The following AMBRA1 variants were observed in gnomAD, a reference collection of about 807,000 sequenced individuals.
AMBRA1 encodes the protein activating molecule in BECN1-regulated autophagy protein 1.
Under a neutral mutation model 125.4 loss-of-function variants are expected in AMBRA1, and 47 were observed. The ratio of observed to expected loss-of-function variants is 0.37; its 90% CI spans 0.30 to 0.48. The LOEUF (loss-of-function observed/expected upper bound fraction) is 0.48, where lower values mean the gene tolerates loss of function less well. AMBRA1 is among the 20% of genes least tolerant of loss of function. The pLI, the probability that AMBRA1 is intolerant of heterozygous loss-of-function variation, is 0.99. For synonymous variants in AMBRA1, 626 were observed against 655.5 expected (o/e 0.95, Z 0.69); for missense variants, 1,331 against 1,693.4 (o/e 0.79, Z 3.76).
intron 14 of AMBRA1, chr11:46,428,673 G>A (rs986217462): frequency 8.1e-6 from 13 of 1,599,052 alleles, no homozygotes; most frequent in African/African-American, 2.7e-5. Context: ...GGCTGACCAC[G>A]TCCACGACCA....
intron 1 of AMBRA1, among the ~76,000 whole-genome samples, chr11:46,551,660 C>G (rs994839014): frequency 3.9e-5 from 6 of 152,176 alleles, no homozygotes; most frequent in Admixed American, 3.9e-4. Context: ...CACCTGAGGT[C>G]AGGAGTTTGA....
chr11:46,561,110 G>GT (rs1201842452), intron 1 of AMBRA1, among the ~76,000 whole-genome samples: 3 of 152,162 alleles, frequency 2.0e-5, no homozygotes, highest in Non-Finnish European at 4.4e-5. Context: ...GCCAGGCGCA[G>GT]TAGCTCACAC....
chr11:46,446,281 CTG>C (rs1948280056), intron 11 of AMBRA1, among the ~76,000 whole-genome samples: 2 of 152,182 alleles, frequency 1.3e-5, no homozygotes, highest in African/African-American at 2.4e-5. Context: ...TCTTCAAGAA[CTG>C]TAGGCCAACT....
Position 46,434,873 on chromosome 11 carries a change from C to T in AMBRA1, c.2797G>A (p.Glu933Lys), listed in dbSNP as rs1947645588. ...VYSLAPHNLG[E>K]MLYTKRFGPN... ...CCAAATCGCTTGGTGTAGAGCATTTCGCCCAGGTTATGGGGGGCCAGGGAG... is the reference window on the plus strand; with the variant it reads ...CCAAATCGCTTGGTGTAGAGCATTTTGCCCAGGTTATGGGGGGCCAGGGAG... Residue 933 changes from glutamate to lysine, a missense_variant, in exon 13 of 18, where the codon GAA (glutamate) becomes AAA (lysine). Glu to Lys is a moderately conservative substitution (Grantham distance 56). Around this residue, in one of 4 missense-constraint regions of AMBRA1, gnomAD observed 354 missense variants for 532.7 expected, o/e 0.66. Coordinates refer to ENST00000683756, the MANE Select transcript of AMBRA1 (RefSeq NM_001387011.1). The T allele has an allele frequency of 6.2e-7, 1 of 1,610,770 alleles. No individual in the cohort carries two copies. Among genetic ancestry groups the T allele is most frequent in the Non-Finnish European group, 8.5e-7 (1 of 1,178,670 alleles).
intron 9 of AMBRA1, among the ~76,000 whole-genome samples, chr11:46,505,373 G>A (rs1158079681): frequency 6.6e-6 from 1 of 152,176 alleles, no homozygotes; most frequent in East Asian, 1.9e-4. Flanking sequence ...GGGCAGGGAA[G>A]GAGACAGAGA....
intron 1 of AMBRA1, among the ~76,000 whole-genome samples, chr11:46,552,986 C>T (rs935108434): frequency 4.0e-5 from 6 of 151,888 alleles, no homozygotes; most frequent in Non-Finnish European, 8.8e-5. Flanking sequence ...CGCTCCGTCA[C>T]CCAGGCTGCA....
intron 10 of AMBRA1, 37 bp from the exon 11 acceptor site, chr11:46,493,745 G>T: frequency 6.6e-7 from 1 of 1,523,230 alleles, no homozygotes; most frequent in South Asian, 1.2e-5. Flanking sequence ...GCTGACTAAA[G>T]ACTACCACGA....
chr11:46,481,577 G>T (rs1413374939), intron 11 of AMBRA1, among the ~76,000 whole-genome samples: 1 of 152,074 alleles, frequency 6.6e-6, no homozygotes, highest in Non-Finnish European at 1.5e-5. Context: ...TGGTCAGGCT[G>T]GTCTCGAACT....
Position 46,410,357 on chromosome 11 carries a change from G to C in AMBRA1, c.3128C>G (p.Ser1043Cys), listed in dbSNP as rs776724460. The change falls in exon 16 of 18, where the codon TCT becomes TGT. Residue 1043 changes from serine to cysteine, a missense_variant. Transcript: ENST00000683756. ...CTGGTCCCAGTAGTACTCAACACCA[G>C]AGTTTAAGGCCCTAAAAATCAGTTG... ...LVICRPEALN[S>C]GVEYYWDQLN... The C allele has an allele frequency of 1.2e-6, 2 of 1,613,846 alleles. No homozygotes were observed. The highest frequency in any genetic ancestry group is 2.7e-5 in the African/African-American group (2 of 74,932).
chr11:46,524,266 G>A (rs1443918172), intron 7 of AMBRA1, among the ~76,000 whole-genome samples: 3 of 152,230 alleles, frequency 2.0e-5, no homozygotes. Context: ...CCCCAGAAAT[G>A]TGGCAATGTC....
intron 14 of AMBRA1, among the ~76,000 whole-genome samples, chr11:46,431,132 G>C (rs1337598673): frequency 6.6e-6 from 1 of 152,204 alleles, no homozygotes; most frequent in Non-Finnish European, 1.5e-5. Context: ...TTTAAAGTCA[G>C]ACTGGGTGGA....
chr11:46,433,618 G>T lies in AMBRA1; in HGVS notation c.2832C>A (p.Ala944=), dbSNP rs371914852. The stretch of plus-strand genomic sequence containing the variant: ...CCATTGGGGACAGGCTCACCGAAAT[G>T]GCATTGGGACCTGAGGGCCAACAAA... ...MLYTKRFGPN[A]ISVSLSPMGR... is the part of the protein sequence containing the mutation. The change falls in exon 14 of 18, where the codon GCC becomes GCA. Residue 944 remains alanine, a synonymous_variant. Transcript: ENST00000683756. 2 of 1,613,762 alleles carry T rather than the reference G, an allele frequency of 1.2e-6. No individual in the cohort carries two copies. The highest frequency in any genetic ancestry group is 1.7e-6 in the Non-Finnish European group (2 of 1,179,740).
At chr11:46,468,828 A>T (rs1460552354) in intron 11 of AMBRA1, among the ~76,000 whole-genome samples, 1 of 148,242 alleles carries the variant, frequency 6.7e-6, no homozygotes, top group Non-Finnish European at 1.5e-5. Context: ...AAAAAAAAAA[A>T]GAAAAAAGAA....
chr11:46,503,301 A>C (rs1950913877), intron 9 of AMBRA1, among the ~76,000 whole-genome samples: 1 of 152,158 alleles, frequency 6.6e-6, no homozygotes, highest in African/African-American at 2.4e-5. Flanking sequence ...GTATCAGGGA[A>C]TAGGAAGGCC....
At chr11:46,568,224 G>A (rs938688603) in intron 1 of AMBRA1, among the ~76,000 whole-genome samples, 4 of 152,054 alleles carry the variant, frequency 2.6e-5, no homozygotes, top group Admixed American at 6.6e-5. Context: ...CTGGGTGGCC[G>A]AGGCAGGAAG....
chr11:46,424,717 C>T (rs962204090), intron 14 of AMBRA1, among the ~76,000 whole-genome samples: 35 of 152,248 alleles, frequency 2.3e-4, no homozygotes, highest in African/African-American at 7.5e-4. Flanking sequence ...GCACATACCT[C>T]TAATCCTAGC....
At chr11:46,428,964 C>T in intron 14 of AMBRA1, 1 of 1,612,408 alleles carries the variant, frequency 6.2e-7, no homozygotes, top group Non-Finnish European at 8.5e-7. Flanking sequence ...TGTCTCCAGG[C>T]AAACTGTTCC....
chr11:46,462,651 C>G (rs1181903811), intron 11 of AMBRA1, among the ~76,000 whole-genome samples: 1 of 151,880 alleles, frequency 6.6e-6, no homozygotes, highest in Non-Finnish European at 1.5e-5. Context: ...GCTCATACTG[C>G]CCCCACTATC....
intron 1 of AMBRA1, among the ~76,000 whole-genome samples, chr11:46,572,942 T>A (rs1220529455): frequency 1.3e-5 from 2 of 151,058 alleles, no homozygotes; most frequent in Admixed American, 6.6e-5. Context: ...ATAAAAAAAA[T>A]TAGCCGGGTG....
Sources: allele counts gnomAD v4.1 joint callset (sites outside exome capture counted in the v4.1 genomes callset), GRCh38; gene constraint gnomAD v4.1.1; regional missense constraint gnomAD v4.1.1; transcripts MANE v1.5; gene names NCBI Gene and HGNC (gene_info 2026-07-23, HGNC 2026-07-21).